Variants in PVT1 observed in about 807,000 individuals in gnomAD.
The protein encoded by PVT1 is Pvt1 oncogene.
intron 3 of PVT1, among the ~76,000 whole-genome samples, chr8:127,955,210 G>C (rs1257481167): frequency 6.6e-6 from 1 of 152,228 alleles, no homozygotes; most frequent in Admixed American, 6.5e-5. Context: ...CGCACACACA[G>C]AGGGAAGGCC....
chr8:127,805,131 C>T (rs551771091), intron 2 of PVT1, among the ~76,000 whole-genome samples: 194 of 150,816 alleles, frequency 1.3e-3, no homozygotes, highest in African/African-American at 4.5e-3. Flanking sequence ...GGTTTCTCCA[C>T]GTTGGTCAGG....
chr8:127,926,385 G>A lies in PVT1; in HGVS notation n.782+35387G>A, dbSNP rs190667196. Reference sequence around the variant, plus strand: ...CACTCACCCCAGCTGCCGAGACGGCGGCTGCTAATGTCCACTGCTGCTAAT... The same window carrying A: ...CACTCACCCCAGCTGCCGAGACGGCAGCTGCTAATGTCCACTGCTGCTAAT... On this transcript the variant is annotated intron_variant and non_coding_transcript_variant, in intron 3 of 10. Coordinates refer to ENST00000651587, the Ensembl canonical transcript of PVT1. 4.6e-5 allele frequency among the ~76,000 whole-genome samples: 7 copies of A among 152,264 alleles called. No individual in the cohort carries two copies. In the East Asian group the frequency reaches 5.8e-4, roughly 13 times the overall value.
chr8:128,080,087 A>G (rs1038305934), intron 5 of PVT1, among the ~76,000 whole-genome samples: 2 of 152,176 alleles, frequency 1.3e-5, no homozygotes, highest in African/African-American at 4.8e-5. Context: ...TTAGTGCTGA[A>G]TAATATTTCT....
intron 5 of PVT1, among the ~76,000 whole-genome samples, chr8:128,082,273 G>A (rs551912947): frequency 4.6e-5 from 7 of 152,264 alleles, no homozygotes; most frequent in African/African-American, 7.2e-5. Flanking sequence ...TAACTTGTTC[G>A]GGGTGCTACA....
At chr8:127,852,964 G>T (rs1815119977) in intron 2 of PVT1, among the ~76,000 whole-genome samples, 1 of 152,186 alleles carries the variant, frequency 6.6e-6, no homozygotes, top group Admixed American at 6.5e-5. Flanking sequence ...ACTTTGGCTG[G>T]CATAGTGGTT....
At chr8:128,085,712 A>G (rs926727838) in intron 5 of PVT1, among the ~76,000 whole-genome samples, 1 of 152,196 alleles carries the variant, frequency 6.6e-6, no homozygotes, top group Non-Finnish European at 1.5e-5. Context: ...CAATTAAACT[A>G]CTGCATTACT....
In PVT1 at chr8:127,980,923, A is replaced by G. The variant is rs1816876338; in HGVS notation, n.783-8239A>G. Among the ~76,000 whole-genome samples, 4 of 150,202 alleles carry G rather than the reference A, an allele frequency of 2.7e-5. No homozygotes were observed. The Admixed American group carries it at 2.7e-4, about 10-fold the overall frequency. ...AGTGATTCCTTGCCTCAGCCTCTTG[A>G]GTAGGTGGGATTACGGGCATCCACC... On this transcript the variant is annotated intron_variant and non_coding_transcript_variant, in intron 3 of 10. Coordinates refer to ENST00000651587, the Ensembl canonical transcript of PVT1.
chr8:127,935,811 G>A (rs903774453), intron 3 of PVT1, among the ~76,000 whole-genome samples: 2 of 152,180 alleles, frequency 1.3e-5, no homozygotes, highest in African/African-American at 4.8e-5. Context: ...CCAGCATGCA[G>A]TACGTGCTCT....
chr8:127,853,205 C>A (rs908649645), intron 2 of PVT1, among the ~76,000 whole-genome samples: 1 of 152,038 alleles, frequency 6.6e-6, no homozygotes, highest in Non-Finnish European at 1.5e-5. Context: ...AGAACCATAC[C>A]CAGCAGGAGG....
intron 3 of PVT1, among the ~76,000 whole-genome samples, chr8:127,911,703 C>T (rs1453271670): frequency 6.6e-6 from 1 of 152,242 alleles, no homozygotes; most frequent in Non-Finnish European, 1.5e-5. Flanking sequence ...CTAGGGCTTA[C>T]ACCAGCTGTG....
intron 2 of PVT1, among the ~76,000 whole-genome samples, chr8:127,815,341 G>T (rs6470581): frequency 0.44 from 66,402 of 152,038 alleles, 14,919 homozygotes; most frequent in African/African-American, 0.53. Context: ...GACTGAATGA[G>T]TTTTTAAATT....
At chr8:127,995,899 A>G (rs1428963620) in intron 4 of PVT1, among the ~76,000 whole-genome samples, 2 of 86,892 alleles carry the variant, frequency 2.3e-5, no homozygotes, top group Non-Finnish European at 5.5e-5. Context: ...ATAATTTCAA[A>G]TGTCCTTTTT....
At chr8:127,869,740 T>C (rs1342206971) in intron 2 of PVT1, among the ~76,000 whole-genome samples, 4 of 152,190 alleles carry the variant, frequency 2.6e-5, no homozygotes, top group Non-Finnish European at 4.4e-5. Flanking sequence ...GATTGAGTAG[T>C]GTCCCCCCAA....
intron 4 of PVT1, among the ~76,000 whole-genome samples, chr8:128,059,412 T>C (rs1171425337): frequency 6.6e-6 from 1 of 152,190 alleles, no homozygotes; most frequent in Non-Finnish European, 1.5e-5. Context: ...CCACTGTATT[T>C]GTACAATCCT....
intron 3 of PVT1, among the ~76,000 whole-genome samples, chr8:127,933,079 T>G (rs945082765): frequency 6.8e-6 from 1 of 148,104 alleles, no homozygotes; most frequent in African/African-American, 2.6e-5. Flanking sequence ...GTTTCATGAT[T>G]TTTTTTTTCT....
At chr8:127,833,153 T>A (rs1429621483) in intron 2 of PVT1, among the ~76,000 whole-genome samples, 1 of 152,158 alleles carries the variant, frequency 6.6e-6, no homozygotes, top group Non-Finnish European at 1.5e-5. Flanking sequence ...TTGGGCCCTA[T>A]GGAGCCAAAG....
intron 2 of PVT1, among the ~76,000 whole-genome samples, chr8:127,845,505 A>G (rs1225123739): frequency 6.6e-6 from 1 of 151,288 alleles, no homozygotes; most frequent in African/African-American, 2.5e-5. Context: ...GCCTAGACCC[A>G]TCGTACGCTG....
chr8:127,986,927 C>T (rs1300983633), intron 3 of PVT1, among the ~76,000 whole-genome samples: 1 of 152,150 alleles, frequency 6.6e-6, no homozygotes, highest in African/African-American at 2.4e-5. Context: ...ATTGCAACCC[C>T]ATCTCCCCAG....
At chr8:127,978,482 T>A (rs1286385342) in intron 3 of PVT1, among the ~76,000 whole-genome samples, 8 of 150,816 alleles carry the variant, frequency 5.3e-5, no homozygotes, top group Admixed American at 4.0e-4. Flanking sequence ...ATTATTATTA[T>A]TTATTATTAT....
Sources: allele counts gnomAD v4.1 joint callset (sites outside exome capture counted in the v4.1 genomes callset), GRCh38; gene constraint gnomAD v4.1.1; transcripts MANE v1.5; gene names NCBI Gene and HGNC (gene_info 2026-07-23, HGNC 2026-07-21).